The following STARD3 variants were observed in gnomAD, a reference collection of about 807,000 sequenced individuals.
STARD3 encodes the protein stAR-related lipid transfer protein 3.
Under a neutral mutation model 62.0 loss-of-function variants are expected in STARD3, and 39 were observed. The ratio of observed to expected loss-of-function variants is 0.63; its 90% CI spans 0.49 to 0.82. STARD3 has a LOEUF of 0.82. Among genes scored for constraint, STARD3 ranks in the 40% least tolerant of loss-of-function variants. The pLI is 0.00. For missense variants in STARD3, 543 were observed against 584.5 expected, an observed-to-expected ratio of 0.93 and a Z score of 0.73; for synonymous variants, 229 against 242.4, an observed-to-expected ratio of 0.94 and a Z score of 0.51.
At chr17:39,649,613 TC>T (rs2057057714) in intron 1 of STARD3, among the ~76,000 whole-genome samples, 1 of 152,204 alleles carries the variant, frequency 6.6e-6, no homozygotes, top group Non-Finnish European at 1.5e-5. Flanking sequence ...ACGCCTGTAA[TC>T]CCAGCACTTT....
Position 39,655,932 on chromosome 17 carries a change from GA to G in STARD3, c.220-1075del, listed in dbSNP as rs2057124326. Among the ~76,000 whole-genome samples the G allele has an allele frequency of 4.6e-5, 7 of 150,764 alleles. No homozygotes were observed. The South Asian group carries it at 1.5e-3, about 32-fold the overall frequency. On this transcript the variant is annotated intron_variant, in intron 2 of 14. Coordinates refer to ENST00000336308, the MANE Select transcript of STARD3 (RefSeq NM_006804.4). Reference sequence around the variant, plus strand: ...GGAGGACAGAGCTCTGAGGCCTAGTGACTGAGGGTGGAAGGGGCTGCAGAGC... The same window carrying G: ...GGAGGACAGAGCTCTGAGGCCTAGTGCTGAGGGTGGAAGGGGCTGCAGAGC...
rs748318529 is a variant in STARD3, at chr17:39,658,837, G to T, written c.646+17G>T. On this transcript the variant is annotated intron_variant, in intron 7 of 14. Coordinates refer to ENST00000336308, the MANE Select transcript of STARD3 (RefSeq NM_006804.4). ...CCTTTGCAGGTGAGGGCTGGTGTGTGGGGGAACTGCTTTCAGGGAGGGGCC... is the reference window on the plus strand; with the variant it reads ...CCTTTGCAGGTGAGGGCTGGTGTGTTGGGGAACTGCTTTCAGGGAGGGGCC... The T allele has an allele frequency of 2.5e-6, 4 of 1,612,602 alleles. No homozygotes were observed.
At position 39,659,477 on chromosome 17, in the gene STARD3, G is replaced by A. The variant is rs754903815; in HGVS notation, c.719G>A (p.Arg240His). 1.4e-5 allele frequency: 23 copies of A among 1,613,978 alleles called. No homozygotes were observed. Among genetic ancestry groups the A allele is most frequent in the African/African-American group, 6.7e-5 (5 of 74,940 alleles). ...SFSAQEREYI[R>H]QGKEATAVVD... is the part of the protein sequence containing the mutation. ...TCCGTCCAGGAGCGGGAGTACATCC[G>A]CCAGGGGAAGGAGGCCACGGCAGTG... The change falls in exon 9 of 15, where the codon CGC (arginine) becomes CAC (histidine). Residue 240 changes from arginine to histidine, a missense_variant. Arg to His is a conservative substitution (Grantham distance 29). Transcript: ENST00000336308.
At chr17:39,658,878 T>C in intron 7 of STARD3, 58 bp downstream of exon 7, 3 of 1,593,266 alleles carry the variant, frequency 1.9e-6, no homozygotes, top group Non-Finnish European at 2.6e-6. Context: ...AGGAATGGGG[T>C]AGGCTGGGTC....
intron 13 of STARD3, chr17:39,661,405 T>C (rs752207865): frequency 6.0e-5 from 23 of 384,222 alleles, no homozygotes; most frequent in Non-Finnish European, 9.7e-5. Flanking sequence ...TCTGGGCTGA[T>C]TGACCTGAGC....
chr17:39,656,394 T>G (rs1014167050), intron 2 of STARD3, among the ~76,000 whole-genome samples: 1 of 152,102 alleles, frequency 6.6e-6, no homozygotes, highest in Non-Finnish European at 1.5e-5. Context: ...CTCTGGACAT[T>G]GGAGTCAGGG....
At position 39,664,006 on chromosome 17, in the gene STARD3, G is replaced by T. The variant is rs1178542775; in HGVS notation, c.*1098G>T. Reference sequence around the variant, plus strand: ...CCTGCCTTCCTCCTCCCTCCCGGCTGGCCTGCCCCCTTGCCTGCCTGCATG... The same window carrying T: ...CCTGCCTTCCTCCTCCCTCCCGGCTTGCCTGCCCCCTTGCCTGCCTGCATG... On this transcript the variant is annotated 3_prime_UTR_variant, in exon 15 of 15. Transcript: ENST00000336308. Among the ~76,000 whole-genome samples the T allele has an allele frequency of 6.6e-6, 1 of 152,174 alleles. No homozygotes were observed. Among genetic ancestry groups the T allele is most frequent in the Non-Finnish European group, 1.5e-5 (1 of 68,026 alleles).
At chr17:39,643,170 G>A (rs1275234346) in intron 1 of STARD3, among the ~76,000 whole-genome samples, 1 of 152,140 alleles carries the variant, frequency 6.6e-6, no homozygotes, top group African/African-American at 2.4e-5. Flanking sequence ...GGCAGATACT[G>A]GCCAGATTTT....
In STARD3 at chr17:39,660,374, G is replaced by A; in HGVS notation, c.859-57G>A. ...GTGGGTGCCCCCCACCAAGAGGGAA[G>A]GGTTGGTCTGCCCGAGCCCATCTGG... On this transcript the variant is annotated intron_variant, in intron 10 of 14. Coordinates refer to ENST00000336308, the MANE Select transcript of STARD3 (RefSeq NM_006804.4). The surrounding 1 kb of genome is among the most constrained non-coding windows in gnomAD (Gnocchi z 4.8). 6.2e-7 allele frequency: 1 copy of A among 1,611,338 alleles called. No homozygotes were observed. Among genetic ancestry groups the A allele is most frequent in the South Asian group, 1.1e-5 (1 of 91,034 alleles).
At chr17:39,640,049 C>T (rs1438498006) in intron 1 of STARD3, among the ~76,000 whole-genome samples, 1 of 152,230 alleles carries the variant, frequency 6.6e-6, no homozygotes, top group Non-Finnish European at 1.5e-5. Flanking sequence ...CCCTGATGGA[C>T]CAGAACAGGG....
intron 1 of STARD3, among the ~76,000 whole-genome samples, chr17:39,641,497 C>T (rs963242518): frequency 4.6e-5 from 7 of 152,106 alleles, no homozygotes; most frequent in Non-Finnish European, 7.4e-5. Flanking sequence ...CCCCTGAAGC[C>T]AGGGTCTACC....
intron 1 of STARD3, among the ~76,000 whole-genome samples, chr17:39,643,433 T>C (rs1372730531): frequency 2.6e-5 from 4 of 152,174 alleles, no homozygotes; most frequent in African/African-American, 9.7e-5. Flanking sequence ...GAGTCATCAC[T>C]ACAGCTTCTG....
rs562476158 is a variant in STARD3 at position 39,653,473 on chromosome 17, G to A, written c.-51-8G>A. 1.5e-5 allele frequency: 24 copies of A among 1,561,664 alleles called. No homozygotes were observed. In the East Asian group the frequency reaches 2.3e-4, roughly 15 times the overall value. On this transcript the variant is annotated splice_region_variant and splice_polypyrimidine_tract_variant and intron_variant, in intron 1 of 14. Coordinates refer to ENST00000336308, the MANE Select transcript of STARD3 (RefSeq NM_006804.4). ...TTTGACAGGACTCTGCCTCTGCCTC[G>A]CCCCCAGCCCTGCTGCTGAGGCCGC...
rs537900708 is a variant in STARD3, at chr17:39,660,565, G to A, written c.954+39G>A. The A allele has an allele frequency of 3.7e-6, 6 of 1,605,604 alleles. No homozygotes were observed. In the South Asian group the frequency reaches 4.4e-5, roughly 12 times the overall value. The stretch of plus-strand genomic sequence containing the variant: ...GGCTGCCTCTTAAGGCACAGATGGG[G>A]GCACAGCCACGCCTCAGTGGGATCA... On this transcript the variant is annotated intron_variant, in intron 11 of 14. Transcript: ENST00000336308. This position sits in a 1 kb window ranked among gnomAD's most constrained non-coding sequence, Gnocchi z 4.8.
Position 39,658,723 on chromosome 17 carries a change from G to T in STARD3, c.549G>T (p.Trp183Cys). 2 of 1,613,954 alleles carry T rather than the reference G, an allele frequency of 1.2e-6. No individual in the cohort carries two copies. The highest frequency in any genetic ancestry group is 1.7e-6 in the Non-Finnish European group (2 of 1,179,988). The change falls in exon 7 of 15, where the codon TGG (tryptophan) becomes TGT (cysteine). Residue 183 changes from tryptophan (W) to cysteine (C), a missense_variant and splice_region_variant. Physicochemically the swap from Trp to Cys is radical, Grantham distance 215. Coordinates refer to ENST00000336308, the MANE Select transcript of STARD3 (RefSeq NM_006804.4). ...VLPQEAEEER[W>C]YLAAQVAVAR... is the part of the protein sequence containing the mutation. ...CCGGGACCGAGTCTGCTCCTCCAGG[G>T]TATCTTGCCGCCCAGGTTGCTGTTG... is the stretch of plus-strand genomic sequence containing the variant.
chr17:39,650,454 CA>C (rs895696438), intron 1 of STARD3, among the ~76,000 whole-genome samples: 1 of 152,058 alleles, frequency 6.6e-6, no homozygotes, highest in African/African-American at 2.4e-5. Context: ...TGATTTCAAA[CA>C]AACAAACCCA....
chr17:39,650,650 A>T (rs2057069345), intron 1 of STARD3, among the ~76,000 whole-genome samples: 1 of 152,120 alleles, frequency 6.6e-6, no homozygotes, highest in African/African-American at 2.4e-5. Context: ...TCTAAAAAAA[A>T]TAAAATAAAA....
Position 39,653,612 on chromosome 17 carries a change from C to T in STARD3, c.81C>T (p.Ser27=), listed in dbSNP as rs373818248. The T allele has an allele frequency of 1.2e-6, 2 of 1,613,170 alleles. No homozygotes were observed. Among genetic ancestry groups the T allele is most frequent in the Non-Finnish European group, 1.7e-6 (2 of 1,180,026 alleles). ...TGGCCTCCCTGGGCTCCTCACTGTC[C>T]CACAGCCAGAGCCTCTCCTCGCACC... is the stretch of plus-strand genomic sequence containing the variant. ...PAVASLGSSL[S]HSQSLSSHLL... Residue 27 remains serine, a synonymous_variant, in exon 2 of 15, where the codon TCC becomes TCT. Transcript: ENST00000336308.
At chr17:39,640,871 C>T (rs908780903) in intron 1 of STARD3, among the ~76,000 whole-genome samples, 3 of 151,574 alleles carry the variant, frequency 2.0e-5, no homozygotes, top group Non-Finnish European at 4.4e-5. Flanking sequence ...TTAACTCTTC[C>T]CCTTCCGCTT....
Sources: gnomAD v4.1 joint callset for allele counts (sites outside exome capture counted in the v4.1 genomes callset) on GRCh38, gnomAD v4.1.1 for gene constraint, Gnocchi (gnomAD v3.1) non-coding constraint, MANE v1.5 for transcripts, NCBI Gene and HGNC (gene_info 2026-07-23, HGNC 2026-07-21) for gene names.